Variants in PHACTR2 observed in about 807,000 individuals in gnomAD.
PHACTR2 encodes phosphatase and actin regulator 2.
In PHACTR2, 30 loss-of-function variants were observed where a neutral mutation model predicts 76.0. That is an observed-to-expected ratio of 0.39 (90% CI 0.30 to 0.54). The LOEUF (loss-of-function observed/expected upper bound fraction) is 0.54, where lower values mean the gene tolerates loss of function less well. PHACTR2 is among the 20% of genes least tolerant of loss of function. PHACTR2 has a pLI of 0.61. For missense variants in PHACTR2, 696 were observed against 781.1 expected (o/e 0.89, Z 1.30); for synonymous variants, 292 against 292.5 (o/e 1.00, Z 0.02).
At chr6:143,763,272 T>A (rs968272899) in intron 5 of PHACTR2, among the ~76,000 whole-genome samples, 2 of 151,950 alleles carry the variant, frequency 1.3e-5, no homozygotes, top group African/African-American at 4.8e-5. Flanking sequence ...GGCAGGAGAA[T>A]CACTTGAACC....
chr6:143,609,225 A>G (rs1202871014), intron 1 of PHACTR2, among the ~76,000 whole-genome samples: 1 of 152,216 alleles, frequency 6.6e-6, no homozygotes, highest in East Asian at 1.9e-4. Context: ...ATTGATGGTG[A>G]AACATATTTG....
Position 143,820,736 on chromosome 6 carries a change from C to T in PHACTR2, c.1923-2938C>T, listed in dbSNP as rs576486601. Among the ~76,000 whole-genome samples the T allele has an allele frequency of 6.6e-6, 1 of 152,320 alleles. No homozygotes were observed. The highest frequency in any genetic ancestry group is 2.1e-4 in the South Asian group (1 of 4,822). Reference sequence around the variant, plus strand: ...GACAGTGACTTCCTTTTCACAGTTCCACTAGGCAATGCCCCAGCAGAGACC... The same window carrying T: ...GACAGTGACTTCCTTTTCACAGTTCTACTAGGCAATGCCCCAGCAGAGACC... On this transcript the variant is annotated intron_variant, in intron 12 of 12. Transcript: ENST00000440869. The surrounding 1 kb of genome is among the most constrained non-coding windows in gnomAD (Gnocchi z 4.2).
intron 1 of PHACTR2, among the ~76,000 whole-genome samples, chr6:143,666,662 C>T (rs979312604): frequency 1.1e-4 from 17 of 152,198 alleles, no homozygotes; most frequent in African/African-American, 3.4e-4. Context: ...GTTTGTTGGC[C>T]GCATAAATGT....
At position 143,578,212 on chromosome 6, in the gene PHACTR2, G is replaced by T. The variant is rs2128432678; in HGVS notation, c.217+41005G>T. 6.6e-6 allele frequency among the ~76,000 whole-genome samples: 1 copy of T among 152,294 alleles called. No homozygotes were observed. Among genetic ancestry groups the T allele is most frequent in the South Asian group, 2.1e-4 (1 of 4,822 alleles). On this transcript the variant is annotated intron_variant, in intron 1 of 11. Coordinates refer to the PHACTR2 transcript ENST00000367584. The surrounding 1 kb of genome is among the most constrained non-coding windows in gnomAD (Gnocchi z 4.5). ...CATGAGAGCTGGAGAGGGGTCCCCAGACCTCCATCCTCACGGTCCAGGATG... is the reference window on the plus strand; with the variant it reads ...CATGAGAGCTGGAGAGGGGTCCCCATACCTCCATCCTCACGGTCCAGGATG...
At chr6:143,593,503 T>C (rs185580670) in intron 1 of PHACTR2, among the ~76,000 whole-genome samples, 3 of 152,300 alleles carry the variant, frequency 2.0e-5, no homozygotes, top group Admixed American at 1.3e-4. Flanking sequence ...CAAGTTTATT[T>C]TGGGGTTAAA....
At position 143,665,936 on chromosome 6, in the gene PHACTR2, A is replaced by T. The variant is rs545631110; in HGVS notation, c.14-46080A>T. Among the ~76,000 whole-genome samples, 25 of 152,318 alleles carry T rather than the reference A, an allele frequency of 1.6e-4. 1 individual carries two copies. The highest frequency in any genetic ancestry group is 6.0e-4 in the African/African-American group (25 of 41,564). On this transcript the variant is annotated intron_variant, in intron 1 of 11. Coordinates refer to the PHACTR2 transcript ENST00000305766. The stretch of plus-strand genomic sequence containing the variant: ...TGTGCAGAATGTGCAGGTTTGTTAC[A>T]TAGGTATATACATGCCATGGTGGTT...
chr6:143,693,943 C>T (rs563133026), intron 1 of PHACTR2, among the ~76,000 whole-genome samples: 2 of 152,106 alleles, frequency 1.3e-5, no homozygotes, highest in South Asian at 2.1e-4. Context: ...GTGGTGTGCA[C>T]CTCTAGTCCC....
At chr6:143,607,058 T>C (rs978911289), upstream of PHACTR2, among the ~76,000 whole-genome samples, 14 of 152,214 alleles carry the variant, frequency 9.2e-5, no homozygotes, top group Non-Finnish European at 1.8e-4. Context: ...AACTAGACTA[T>C]AAATAATTTG....
At position 143,803,369 on chromosome 6, in the gene PHACTR2, G is replaced by A. The variant is rs1045540804; in HGVS notation, c.1846-3688G>A. Reference sequence around the variant, plus strand: ...TTGAGACCAGCCTGGCCAACATTGCGAAATCCATCTCCACAAAAGATACAA... The same window carrying A: ...TTGAGACCAGCCTGGCCAACATTGCAAAATCCATCTCCACAAAAGATACAA... On this transcript the variant is annotated intron_variant, in intron 11 of 12. Coordinates refer to ENST00000440869, the MANE Select transcript of PHACTR2 (RefSeq NM_001100164.2). This position sits in a 1 kb window ranked among gnomAD's most constrained non-coding sequence, Gnocchi z 4.7. 8.5e-5 allele frequency among the ~76,000 whole-genome samples: 13 copies of A among 152,154 alleles called. No homozygotes were observed. Among genetic ancestry groups the A allele is most frequent in the East Asian group, 1.9e-4 (1 of 5,174 alleles).
rs1468181325 is a variant in PHACTR2, at chr6:143,760,790, A to G, written c.694+150A>G. On this transcript the variant is annotated intron_variant, in intron 5 of 12. Transcript: ENST00000440869. The surrounding 1 kb of genome is among the most constrained non-coding windows in gnomAD (Gnocchi z 6.4). ...CTTTGACACAAAGAATGCCCAGGAG[A>G]TTCCTTTGTTGCTCTCTACCAAAGG... The G allele has an allele frequency of 4.4e-6, 4 of 913,826 alleles. 1 individual carries two copies. Among genetic ancestry groups the G allele is most frequent in the South Asian group, 3.6e-5 (2 of 55,066 alleles). 56.6% of individuals were successfully genotyped at this position (913,826 alleles called of 1,614,324 possible).
intron 1 of PHACTR2, among the ~76,000 whole-genome samples, chr6:143,645,391 G>A (rs987557193): frequency 6.6e-6 from 1 of 152,046 alleles, no homozygotes; most frequent in East Asian, 1.9e-4. Flanking sequence ...TGAGTTTGGA[G>A]ACTATTATTC....
In PHACTR2 at chr6:143,641,807, A is replaced by C. The variant is rs1454163333; in HGVS notation, c.13+33485A>C. Among the ~76,000 whole-genome samples, 1 of 152,148 alleles carries C rather than the reference A, an allele frequency of 6.6e-6. No homozygotes were observed. Among genetic ancestry groups the C allele is most frequent in the East Asian group, 1.9e-4 (1 of 5,192 alleles). On this transcript the variant is annotated intron_variant, in intron 1 of 11. Coordinates refer to the PHACTR2 transcript ENST00000305766. The surrounding 1 kb of genome is among the most constrained non-coding windows in gnomAD (Gnocchi z 5.8). ...AGGTATGAGCCACCGCACCCAGCCAAATTTCTGTTGTTTTAAGTCACCAAG... is the reference window on the plus strand; with the variant it reads ...AGGTATGAGCCACCGCACCCAGCCACATTTCTGTTGTTTTAAGTCACCAAG...
Position 143,627,480 on chromosome 6 carries a change from A to C in PHACTR2, c.13+19158A>C, listed in dbSNP as rs1582713611. On this transcript the variant is annotated intron_variant, in intron 1 of 11. Transcript: ENST00000305766. The surrounding 1 kb of genome is among the most constrained non-coding windows in gnomAD (Gnocchi z 4.3). ...TACGTCAGGTAGCCTTGCGGAATTC[A>C]AGAGTCTTTCCCCATCTTTTAATTT... 2.6e-5 allele frequency among the ~76,000 whole-genome samples: 4 copies of C among 152,324 alleles called. 1 individual carries two copies. In the East Asian group the frequency reaches 7.7e-4, roughly 29 times the overall value.
chr6:143,756,196 TGG>T (rs1363718994), intron 4 of PHACTR2, among the ~76,000 whole-genome samples: 20 of 152,248 alleles, frequency 1.3e-4, no homozygotes, highest in African/African-American at 4.8e-4. Context: ...GCAAAACAAA[TGG>T]CACGTGGTGT....
At chr6:143,626,747 C>T (rs1417418988) in intron 1 of PHACTR2, among the ~76,000 whole-genome samples, 1 of 152,108 alleles carries the variant, frequency 6.6e-6, no homozygotes, top group Non-Finnish European at 1.5e-5. Flanking sequence ...CTTCTGCCTG[C>T]CTGTGCTATG....
chr6:143,628,627 T>C (rs1399132984), intron 1 of PHACTR2, among the ~76,000 whole-genome samples: 1 of 152,056 alleles, frequency 6.6e-6, no homozygotes, highest in African/African-American at 2.4e-5. Flanking sequence ...ATCCAGATAA[T>C]CCAGGGTAAT....
rs1562247263 is a variant in PHACTR2, at chr6:143,610,517, G to A, written c.13+2195G>A. ...GCAAGGCTTTCTGTGTGGGAGTTTG[G>A]ATAATTGACAGGCAGAAGCACAGCA... On this transcript the variant is annotated intron_variant, in intron 1 of 11. Coordinates refer to the PHACTR2 transcript ENST00000305766. The surrounding 1 kb of genome is among the most constrained non-coding windows in gnomAD (Gnocchi z 4.9). Among the ~76,000 whole-genome samples the A allele has an allele frequency of 6.6e-6, 1 of 152,176 alleles. No homozygotes were observed. Among genetic ancestry groups the A allele is most frequent in the African/African-American group, 2.4e-5 (1 of 41,440 alleles).
At position 143,596,251 on chromosome 6, in the gene PHACTR2, C is replaced by CT. The variant is rs1170327729; in HGVS notation, c.217+59045dup. Among the ~76,000 whole-genome samples the CT allele has an allele frequency of 6.6e-6, 1 of 152,100 alleles. No individual in the cohort carries two copies. The highest frequency in any genetic ancestry group is 2.4e-5 in the African/African-American group (1 of 41,398). ...CAGATCTGTGAGTCCCTTTATTCCT[C>CT]TAGGTCTTCATTTGGTGTCTTTTTA... On this transcript the variant is annotated intron_variant, in intron 1 of 11. Coordinates refer to the PHACTR2 transcript ENST00000367584. This position sits in a 1 kb window ranked among gnomAD's most constrained non-coding sequence, Gnocchi z 4.6.
At chr6:143,720,891 G>A (rs1417283641) in intron 2 of PHACTR2, among the ~76,000 whole-genome samples, 1 of 152,200 alleles carries the variant, frequency 6.6e-6, no homozygotes, top group Non-Finnish European at 1.5e-5. Flanking sequence ...GGGATTACAG[G>A]CGTGAGCCAC....
Sources: allele counts gnomAD v4.1 joint callset (sites outside exome capture counted in the v4.1 genomes callset), GRCh38; gene constraint gnomAD v4.1.1; non-coding constraint Gnocchi (gnomAD v3.1); transcripts MANE v1.5; gene names NCBI Gene and HGNC (gene_info 2026-07-23, HGNC 2026-07-21).